ALDH1A2: variants seen among roughly 807,000 people sequenced by gnomAD.
ALDH1A2 encodes retinal dehydrogenase 2.
Under a neutral mutation model 60.3 loss-of-function variants are expected in ALDH1A2, and 27 were observed. The ratio of observed to expected loss-of-function variants is 0.45; its 90% CI spans 0.33 to 0.62. ALDH1A2 has a LOEUF of 0.62. Among genes scored for constraint, ALDH1A2 ranks in the 20% least tolerant of loss-of-function variants. The probability of loss-of-function intolerance (pLI) is 0.02; values close to 1 mark genes in which losing one functional copy is unlikely to be tolerated. For missense variants in ALDH1A2, 581 were observed against 643.8 expected (o/e 0.90, Z 1.06); for synonymous variants, 289 against 232.4 (o/e 1.24, Z -2.21).
At chr15:57,996,165 G>C (rs1234097962) in intron 4 of ALDH1A2, among the ~76,000 whole-genome samples, 1 of 151,964 alleles carries the variant, frequency 6.6e-6, no homozygotes, top group Non-Finnish European at 1.5e-5. Flanking sequence ...TGTGTGGGTC[G>C]GGAAAAGAGA....
chr15:57,954,852 T>G lies in ALDH1A2; in HGVS notation c.*345A>C. On this transcript the variant is annotated 3_prime_UTR_variant, in exon 13 of 13. Transcript: ENST00000249750. ...AGACAGGAGAAAGGTCACCTTTCCTTGAGAGGAAAGTTCTTTGTGACAAAG... is the reference window on the plus strand; with the variant it reads ...AGACAGGAGAAAGGTCACCTTTCCTGGAGAGGAAAGTTCTTTGTGACAAAG... 3.0e-6 allele frequency: 1 copy of G among 333,124 alleles called. No individual in the cohort carries two copies. Among genetic ancestry groups the G allele is most frequent in the Non-Finnish European group, 5.8e-6 (1 of 173,908 alleles). The allele number at this position is 333,124 out of a possible 1,614,324, so 20.6% of individuals were successfully genotyped here. A position where few individuals can be genotyped will look rare whatever the true frequency, so the allele number is the denominator to read the frequency against.
At chr15:58,023,192 G>A (rs991514622) in intron 1 of ALDH1A2, among the ~76,000 whole-genome samples, 15 of 151,734 alleles carry the variant, frequency 9.9e-5, no homozygotes, top group Non-Finnish European at 1.8e-4. Context: ...TTCATTGAAG[G>A]GAAAAAAATG....
intron 1 of ALDH1A2, among the ~76,000 whole-genome samples, chr15:58,059,257 T>C (rs1052058108): frequency 2.0e-5 from 3 of 152,184 alleles, no homozygotes; most frequent in Non-Finnish European, 2.9e-5. Context: ...CTACGTGAAT[T>C]AGATTTGCTG....
intron 7 of ALDH1A2, chr15:57,991,620 T>A (rs1243800842): frequency 6.6e-6 from 1 of 152,196 alleles, no homozygotes; most frequent in East Asian, 1.9e-4. Context: ...CATACCATAT[T>A]TCAAAGAATG....
intron 1 of ALDH1A2, among the ~76,000 whole-genome samples, chr15:58,025,621 A>T (rs1481676827): frequency 6.6e-6 from 1 of 152,234 alleles, no homozygotes; most frequent in African/African-American, 2.4e-5. Flanking sequence ...TATTCAAAAA[A>T]ATCAAACAGG....
chr15:57,964,188 ATG>A, intron 8 of ALDH1A2, 119 bp from the exon 9 acceptor site: 1 of 1,046,830 alleles, frequency 9.6e-7, no homozygotes, highest in Non-Finnish European at 1.4e-6. Context: ...TGACATAACC[ATG>A]AATAGCCCTG....
chr15:58,004,557 A>G (rs868215595), intron 4 of ALDH1A2, among the ~76,000 whole-genome samples: 17 of 151,508 alleles, frequency 1.1e-4, no homozygotes, highest in Middle Eastern at 6.3e-3. Flanking sequence ...GCTCTCACTT[A>G]TAAGTGAAAG....
chr15:58,056,223 G>A (rs1896892245), intron 1 of ALDH1A2, among the ~76,000 whole-genome samples: 1 of 152,110 alleles, frequency 6.6e-6, no homozygotes, highest in Non-Finnish European at 1.5e-5. Context: ...ACTGTTCTTA[G>A]TTTAGGGAAA....
At chr15:57,963,359 T>C (rs542054712) in intron 9 of ALDH1A2, among the ~76,000 whole-genome samples, 3 of 151,644 alleles carry the variant, frequency 2.0e-5, no homozygotes, top group African/African-American at 7.3e-5. Flanking sequence ...TTTTTTTTTT[T>C]TTTTGAGACG....
At chr15:57,973,959 T>TC (rs1566933725) in intron 7 of ALDH1A2, among the ~76,000 whole-genome samples, 7 of 150,778 alleles carry the variant, frequency 4.6e-5, no homozygotes, top group Non-Finnish European at 1.0e-4. Context: ...AAATTCTCCC[T>TC]TCTCTCTCTC....
At chr15:57,963,255 G>C (rs1169786284) in intron 9 of ALDH1A2, among the ~76,000 whole-genome samples, 1 of 152,130 alleles carries the variant, frequency 6.6e-6, no homozygotes, top group African/African-American at 2.4e-5. Flanking sequence ...GAAGGACTGG[G>C]ACTGGGTTCT....
intron 12 of ALDH1A2, among the ~76,000 whole-genome samples, chr15:57,959,297 G>T (rs1893643633): frequency 6.6e-6 from 1 of 152,192 alleles, no homozygotes; most frequent in African/African-American, 2.4e-5. Context: ...ATAAGAAGCG[G>T]AATGCATCTT....
Position 58,014,180 on chromosome 15 carries a change from G to C in ALDH1A2, c.219C>G (p.Asp73Glu). ...CTTTTATCTACAAAAGACATACCTTGTCTGCTTCTTGAACTTCACACACCT... is the reference window on the plus strand; with the variant it reads ...CTTTTATCTACAAAAGACATACCTTCTCTGCTTCTTGAACTTCACACACCT... Reference protein sequence around the residue: ...GEQVCEVQEADKADIDKAVQA... With the variant: ...GEQVCEVQEAEKADIDKAVQA... The change falls in exon 2 of 13, where the codon GAC becomes GAG. Residue 73 changes from aspartate (D) to glutamate (E), a missense_variant. Physicochemically the swap from Asp to Glu is conservative, Grantham distance 45. This residue lies in a region of ALDH1A2 where 206 missense variants were observed against 174.1 expected (regional missense o/e 1.18). Transcript: ENST00000249750. 1.2e-6 allele frequency: 2 copies of C among 1,614,090 alleles called. No individual in the cohort carries two copies. Among genetic ancestry groups the C allele is most frequent in the Non-Finnish European group, 1.7e-6 (2 of 1,179,980 alleles).
chr15:58,048,814 G>A (rs1298970951), intron 1 of ALDH1A2, among the ~76,000 whole-genome samples: 1 of 151,958 alleles, frequency 6.6e-6, no homozygotes, highest in Non-Finnish European at 1.5e-5. Context: ...TTTTTTAAAT[G>A]TTTAAAATCT....
chr15:57,988,162 T>C (rs1271593098), intron 7 of ALDH1A2, among the ~76,000 whole-genome samples: 4 of 152,172 alleles, frequency 2.6e-5, no homozygotes, highest in Admixed American at 6.5e-5. Flanking sequence ...ATATAACCTA[T>C]GTCTAAGTAA....
chr15:58,034,161 G>A (rs1260510193), intron 1 of ALDH1A2, among the ~76,000 whole-genome samples: 5 of 151,374 alleles, frequency 3.3e-5, no homozygotes, highest in East Asian at 1.9e-4. Context: ...TTCTTTCATC[G>A]AAGTTTTGTG....
At chr15:58,027,428 G>C (rs1350000674) in intron 1 of ALDH1A2, among the ~76,000 whole-genome samples, 1 of 152,178 alleles carries the variant, frequency 6.6e-6, no homozygotes, top group African/African-American at 2.4e-5. Flanking sequence ...AAACCACAAA[G>C]ATGGGGAGAA....
intron 1 of ALDH1A2, among the ~76,000 whole-genome samples, chr15:58,064,620 A>G (rs1389850966): frequency 1.3e-5 from 2 of 152,214 alleles, no homozygotes; most frequent in African/African-American, 2.4e-5. Flanking sequence ...AAATCAAACC[A>G]GAGAACTACA....
At chr15:57,958,078 A>G (rs1893591747) in intron 12 of ALDH1A2, among the ~76,000 whole-genome samples, 2 of 152,178 alleles carry the variant, frequency 1.3e-5, no homozygotes, top group African/African-American at 4.8e-5. Context: ...GAAGCTTGTT[A>G]AAAACGCAGT....
Sources: allele counts gnomAD v4.1 joint callset (sites outside exome capture counted in the v4.1 genomes callset), GRCh38; gene constraint gnomAD v4.1.1; regional missense constraint gnomAD v4.1.1; transcripts MANE v1.5; gene names NCBI Gene and HGNC (gene_info 2026-07-23, HGNC 2026-07-21).